Variants in PRSS23 observed in about 807,000 individuals in gnomAD.
The protein encoded by PRSS23 is protease, serine 23.
In PRSS23, 25 loss-of-function variants were observed where a neutral mutation model predicts 34.7. The ratio of observed to expected loss-of-function variants is 0.72; its 90% CI spans 0.53 to 1.01. The LOEUF is 1.01. Among genes scored for constraint, PRSS23 ranks in the 50% least tolerant of loss-of-function variants. The pLI, the probability that PRSS23 is intolerant of heterozygous loss-of-function variation, is 0.00. For synonymous variants in PRSS23, 176 were observed against 186.6 expected (o/e 0.94, Z 0.46); for missense variants, 445 against 475.6 (o/e 0.94, Z 0.60).
chr11:86,831,183 G>T (rs1177273975), intron 2 of PRSS23, among the ~76,000 whole-genome samples: 1 of 151,922 alleles, frequency 6.6e-6, no homozygotes, highest in Non-Finnish European at 1.5e-5. Flanking sequence ...ATGTCACAAT[G>T]CTTGTACACC....
At chr11:86,813,588 A>C (rs1460376267), downstream of PRSS23, among the ~76,000 whole-genome samples, 1 of 152,262 alleles carries the variant, frequency 6.6e-6, no homozygotes, top group Admixed American at 6.5e-5. Flanking sequence ...TAGGGCCCAC[A>C]GCAGTTTCAG....
chr11:86,821,780 T>C (rs1948253931), intron 1 of PRSS23: 1 of 1,070,768 alleles, frequency 9.3e-7, no homozygotes. Flanking sequence ...GCCCAGCCCG[T>C]TCCGCCTCAG....
intron 2 of PRSS23, among the ~76,000 whole-genome samples, chr11:86,887,413 CAA>C (rs11325675): frequency 3.1e-4 from 43 of 138,194 alleles, no homozygotes; most frequent in Admixed American, 1.2e-3. Flanking sequence ...CAAAACAAAA[CAA>C]AAAAAAAAAA....
At chr11:86,854,284 G>A (rs1948553100) in intron 2 of PRSS23, among the ~76,000 whole-genome samples, 1 of 152,188 alleles carries the variant, frequency 6.6e-6, no homozygotes, top group Admixed American at 6.5e-5. Flanking sequence ...ACAGGTGTGA[G>A]CCCCCGCACC....
At chr11:86,952,516 G>A (rs1565397714) in exon 3 of PRSS23, 2 of 1,599,784 alleles carry the variant, frequency 1.3e-6, no homozygotes, top group Non-Finnish European at 1.7e-6. Flanking sequence ...ACAATGACTT[G>A]GAAGTTTGAC....
rs750684176 is a variant in PRSS23 at position 86,808,221 on chromosome 11, G to A, written c.578G>A (p.Gly193Asp). 1.2e-6 allele frequency: 2 copies of A among 1,614,140 alleles called. No individual in the cohort carries two copies. The highest frequency in any genetic ancestry group is 3.3e-5 in the Admixed American group (2 of 60,032). ...YVKGTQKLRV[G>D]FLKPKFKDGG... is the part of the protein sequence containing the mutation. Reference sequence around the variant, plus strand: ...AAAGGAACCCAGAAGCTTCGAGTGGGCTTCCTAAAGCCCAAGTTTAAAGAT... The same window carrying A: ...AAAGGAACCCAGAAGCTTCGAGTGGACTTCCTAAAGCCCAAGTTTAAAGAT... Residue 193 changes from glycine (G) to aspartate (D), a missense_variant, in exon 2 of 2, where the codon GGC becomes GAC. Gly to Asp is a moderately conservative substitution (Grantham distance 94). Transcript: ENST00000280258.
At chr11:86,931,263 T>C (rs1276374640) in intron 2 of PRSS23, among the ~76,000 whole-genome samples, 1 of 152,222 alleles carries the variant, frequency 6.6e-6, no homozygotes, top group Non-Finnish European at 1.5e-5. Context: ...TGAAAACATA[T>C]GTTCACAAAA....
chr11:86,818,882 CCTT>C (rs1207729299), intron 1 of PRSS23, among the ~76,000 whole-genome samples: 2 of 152,146 alleles, frequency 1.3e-5, no homozygotes, highest in African/African-American at 2.4e-5. Flanking sequence ...GTGGTGAAAT[CCTT>C]CTTTCAAGTT....
chr11:86,827,770 G>T (rs1312632072), intron 2 of PRSS23, among the ~76,000 whole-genome samples: 2 of 152,186 alleles, frequency 1.3e-5, no homozygotes, highest in African/African-American at 4.8e-5. Context: ...TCATTCAGGA[G>T]CAGGTTGTTC....
At chr11:86,857,685 T>C (rs1277800205) in intron 2 of PRSS23, 11 of 579,592 alleles carry the variant, frequency 1.9e-5, no homozygotes, top group South Asian at 1.4e-4. Flanking sequence ...GCATGTCTTC[T>C]ATACATGCAA....
At chr11:86,915,916 A>G (rs371998021) in intron 2 of PRSS23, among the ~76,000 whole-genome samples, 1 of 151,984 alleles carries the variant, frequency 6.6e-6, no homozygotes, top group Non-Finnish European at 1.5e-5. Flanking sequence ...TTAGCCAGGC[A>G]TGGTGGCACA....
intron 2 of PRSS23, among the ~76,000 whole-genome samples, chr11:86,848,256 T>G (rs558631511): frequency 1.5e-4 from 23 of 152,280 alleles, no homozygotes; most frequent in African/African-American, 5.5e-4. Context: ...GATCAGACCT[T>G]AAGTCCTACT....
chr11:86,946,950 A>C (rs879361106), intron 2 of PRSS23: 9 of 152,466 alleles, frequency 5.9e-5, no homozygotes, highest in Non-Finnish European at 1.0e-4. Flanking sequence ...TCACACTTGT[A>C]ATCCCAGCAC....
At chr11:86,902,814 C>CT (rs1948920203) in intron 2 of PRSS23, among the ~76,000 whole-genome samples, 1 of 152,168 alleles carries the variant, frequency 6.6e-6, no homozygotes, top group Non-Finnish European at 1.5e-5. Context: ...TTGAAAATGT[C>CT]TTCCCTTCTT....
chr11:86,823,054 C>T (rs536440443), intron 1 of PRSS23, among the ~76,000 whole-genome samples: 2 of 152,252 alleles, frequency 1.3e-5, no homozygotes, highest in South Asian at 2.1e-4. Flanking sequence ...CCATGGGTCT[C>T]GACCTGACCA....
chr11:86,869,795 C>A (rs1250241278), intron 2 of PRSS23, among the ~76,000 whole-genome samples: 1 of 152,182 alleles, frequency 6.6e-6, no homozygotes, highest in South Asian at 2.1e-4. Context: ...TCAGATTGGT[C>A]ACTGTGAAAT....
chr11:86,811,304 A>G, downstream of PRSS23: 1 of 163,120 alleles, frequency 6.1e-6, no homozygotes. Flanking sequence ...GATCTCTGTA[A>G]CAGCCTTTTG....
intron 2 of PRSS23, among the ~76,000 whole-genome samples, chr11:86,827,857 G>A (rs1948315775): frequency 6.6e-6 from 1 of 152,234 alleles, no homozygotes. Context: ...TGGTCTGAGA[G>A]ACAGTTTGTA....
At chr11:86,796,315 T>G (rs1947979925), upstream of PRSS23, among the ~76,000 whole-genome samples, 1 of 152,172 alleles carries the variant, frequency 6.6e-6, no homozygotes, top group Non-Finnish European at 1.5e-5. Context: ...ATCTGCAGAA[T>G]GAAGAAAATC....
Sources: allele counts gnomAD v4.1 joint callset (sites outside exome capture counted in the v4.1 genomes callset), GRCh38; gene constraint gnomAD v4.1.1; transcripts MANE v1.5; gene names NCBI Gene and HGNC (gene_info 2026-07-23, HGNC 2026-07-21).